HSD17B11: variants seen among roughly 807,000 people sequenced by gnomAD.
HSD17B11 encodes the protein estradiol 17-beta-dehydrogenase 11.
In HSD17B11, 22 loss-of-function variants were observed where a neutral mutation model predicts 27.8. The ratio of observed to expected loss-of-function variants is 0.79; its 90% CI spans 0.56 to 1.13. HSD17B11 has a LOEUF of 1.13. Among genes scored for constraint, HSD17B11 ranks in the 50% most tolerant of loss-of-function variants. The pLI is 0.00. For missense variants in HSD17B11, 314 were observed against 351.1 expected (o/e 0.89, Z 0.84); for synonymous variants, 117 against 132.8 (o/e 0.88, Z 0.82).
intron 3 of HSD17B11, among the ~76,000 whole-genome samples, chr4:87,373,586 T>C (rs1735762572): frequency 2.0e-5 from 3 of 151,990 alleles, no homozygotes; most frequent in Admixed American, 2.0e-4. Context: ...GGTGTACTCC[T>C]GTAGTCCCTG....
At chr4:87,381,307 A>C (rs573445971) in intron 2 of HSD17B11, among the ~76,000 whole-genome samples, 1 of 152,216 alleles carries the variant, frequency 6.6e-6, no homozygotes, top group East Asian at 1.9e-4. Context: ...GGTAAGGTCC[A>C]GGAATGTGTA....
At chr4:87,390,785 G>T in intron 1 of HSD17B11, 76 bp downstream of exon 1, 1 of 1,294,132 alleles carries the variant, frequency 7.7e-7, no homozygotes, top group Non-Finnish European at 1.1e-6. Context: ...ATGAGGTAAA[G>T]GGTGGTTGCC....
At chr4:87,385,360 G>A (rs1433382870) in intron 1 of HSD17B11, among the ~76,000 whole-genome samples, 1 of 152,074 alleles carries the variant, frequency 6.6e-6, no homozygotes, top group Non-Finnish European at 1.5e-5. Context: ...CTTATATGCA[G>A]TACCCAGAGT....
In HSD17B11 at chr4:87,381,389, G is replaced by A. The variant is rs113476535; in HGVS notation, c.318+866C>T. ...AGGTATTTAGTTAACAGGTACAAGCGAGAATGCGTTCAGAGTGAAACCCCA... is the reference window on the plus strand; with the variant it reads ...AGGTATTTAGTTAACAGGTACAAGCAAGAATGCGTTCAGAGTGAAACCCCA... On this transcript the variant is annotated intron_variant, in intron 2 of 6. Coordinates refer to ENST00000358290, the MANE Select transcript of HSD17B11 (RefSeq NM_016245.5). Among the ~76,000 whole-genome samples the A allele has an allele frequency of 9.7e-3, 1,483 of 152,136 alleles. 22 individuals carry two copies. The highest frequency in any genetic ancestry group is 0.034 in the African/African-American group (1,426 of 41,508).
chr4:87,357,949 AT>A (rs57139706), intron 4 of HSD17B11, among the ~76,000 whole-genome samples: 3,878 of 79,518 alleles, frequency 0.049, 6 homozygotes, highest in Middle Eastern at 0.076. Context: ...CATTAGAGAA[AT>A]TTTTTTTTTT....
chr4:87,391,181 G>C lies in HSD17B11; in HGVS notation c.-111C>G, dbSNP rs918453175. On this transcript the variant is annotated 5_prime_UTR_variant, in exon 1 of 7. Coordinates refer to ENST00000358290, the MANE Select transcript of HSD17B11 (RefSeq NM_016245.5). ...CAGAAAGAGTAGGGGCGAGAGCAAG[G>C]AGGAACTCCCGTATCAAAGAAAAAC... 6.6e-6 allele frequency: 5 copies of C among 754,042 alleles called. No homozygotes were observed. Among genetic ancestry groups the C allele is most frequent in the Admixed American group, 2.8e-5 (1 of 35,116 alleles). 46.7% of individuals were successfully genotyped at this position (754,042 alleles called of 1,614,324 possible).
rs1735569222 is a variant in HSD17B11 at position 87,363,869 on chromosome 4, G to A, written c.558-6453C>T. On this transcript the variant is annotated intron_variant, in intron 4 of 6. Transcript: ENST00000358290. ...TGTGTCTATTCTCTTCTCCTCCATG[G>A]ACTGTCTTCAATTTTCCTTCTTCTA... Among the ~76,000 whole-genome samples, 3 of 152,092 alleles carry A rather than the reference G, an allele frequency of 2.0e-5. No homozygotes were observed. In the South Asian group the frequency reaches 6.2e-4, roughly 31 times the overall value.
intron 1 of HSD17B11, among the ~76,000 whole-genome samples, chr4:87,389,983 A>G (rs1720414372): frequency 6.6e-6 from 1 of 152,152 alleles, no homozygotes; most frequent in African/African-American, 2.4e-5. Flanking sequence ...AATTTGAGAC[A>G]GGGTCTCACT....
intron 4 of HSD17B11, among the ~76,000 whole-genome samples, chr4:87,363,166 A>T (rs1735549239): frequency 6.6e-6 from 1 of 152,058 alleles, no homozygotes; most frequent in South Asian, 2.1e-4. Flanking sequence ...GCCCCCGGGG[A>T]GATGGTGCCA....
intron 5 of HSD17B11, among the ~76,000 whole-genome samples, chr4:87,356,654 A>G (rs182735163): frequency 1.3e-5 from 2 of 151,616 alleles, no homozygotes; most frequent in Non-Finnish European, 2.9e-5. Context: ...ATTTAAACAA[A>G]TAAGTATGCA....
chr4:87,370,755 ATT>A lies in HSD17B11; in HGVS notation c.557+1952_557+1953del, dbSNP rs57047986. Among the ~76,000 whole-genome samples, 17 of 57,516 alleles carry A rather than the reference ATT, an allele frequency of 3.0e-4. 1 individual carries two copies. Among genetic ancestry groups the A allele is most frequent in the South Asian group, 5.1e-4 (1 of 1,976 alleles). The allele number at this position is 57,516 out of a possible 152,430, so 37.7% of individuals were successfully genotyped here. On this transcript the variant is annotated intron_variant, in intron 4 of 6. Transcript: ENST00000358290. The stretch of plus-strand genomic sequence containing the variant: ...TATTATTATTATTATTATTATTATT[ATT>A]TTTTTTTTTTTTTGAGACGGAGTCT...
chr4:87,364,941 G>A (rs1158768073), intron 4 of HSD17B11, among the ~76,000 whole-genome samples: 1 of 152,202 alleles, frequency 6.6e-6, no homozygotes, highest in Non-Finnish European at 1.5e-5. Context: ...GGCTGAGGTG[G>A]GCGGATCACT....
At chr4:87,383,316 T>C in intron 1 of HSD17B11, among the ~76,000 whole-genome samples, 1 of 152,148 alleles carries the variant, frequency 6.6e-6, no homozygotes, top group South Asian at 2.1e-4. Context: ...ATGTGTCGTA[T>C]TGATTATTTT....
chr4:87,378,870 A>T lies in HSD17B11; in HGVS notation c.318+3385T>A, dbSNP rs1313478564. Among the ~76,000 whole-genome samples, 6 of 21,562 alleles carry T rather than the reference A, an allele frequency of 2.8e-4. 2 individuals carry two copies. Among genetic ancestry groups the T allele is most frequent in the African/African-American group, 2.7e-3 (6 of 2,216 alleles). The allele number at this position is 21,562 out of a possible 152,430, so 14.1% of individuals were successfully genotyped here. A position where few individuals can be genotyped will look rare whatever the true frequency, so the allele number is the denominator to read the frequency against. ...AATATATATATAAATATATATAAATATATATATATAAATATATATATATAA... is the reference window on the plus strand; with the variant it reads ...AATATATATATAAATATATATAAATTTATATATATAAATATATATATATAA... On this transcript the variant is annotated intron_variant, in intron 2 of 6. Coordinates refer to ENST00000358290, the MANE Select transcript of HSD17B11 (RefSeq NM_016245.5).
intron 1 of HSD17B11, among the ~76,000 whole-genome samples, chr4:87,388,643 TC>T (rs1720379061): frequency 6.6e-6 from 1 of 152,246 alleles, no homozygotes; most frequent in Non-Finnish European, 1.5e-5. Context: ...TTTATTTTTT[TC>T]TTTATGCTTA....
intron 2 of HSD17B11, among the ~76,000 whole-genome samples, chr4:87,376,928 A>C (rs1735838162): frequency 6.6e-6 from 1 of 151,688 alleles, no homozygotes; most frequent in African/African-American, 2.4e-5. Flanking sequence ...CCAGGAGTTC[A>C]AGACCAGCCT....
rs144180266 is a variant in HSD17B11 at position 87,343,530 on chromosome 4, G to A, written c.696-2924C>T. 2.5e-3 allele frequency among the ~76,000 whole-genome samples: 380 copies of A among 149,886 alleles called. 1 individual carries two copies. The highest frequency in any genetic ancestry group is 4.6e-3 in the Non-Finnish European group (310 of 67,816). On this transcript the variant is annotated intron_variant, in intron 5 of 6. Coordinates refer to ENST00000358290, the MANE Select transcript of HSD17B11 (RefSeq NM_016245.5). ...ACCACTTAAGTAATGAGTAATTTTG[G>A]GGAAAACATTTCAACTCTTTTTTTT...
chr4:87,390,165 T>A (rs1174827519), intron 1 of HSD17B11, among the ~76,000 whole-genome samples: 1 of 152,158 alleles, frequency 6.6e-6, no homozygotes, highest in Admixed American at 6.5e-5. Context: ...ATCTTTTTGT[T>A]TGTTTTTTGA....
chr4:87,386,771 C>T (rs1418317325), intron 1 of HSD17B11: 2 of 152,146 alleles, frequency 1.3e-5, no homozygotes, highest in Non-Finnish European at 2.9e-5. Context: ...AAATTATGCC[C>T]ATTATTCTTT....
Sources: allele counts gnomAD v4.1 joint callset (sites outside exome capture counted in the v4.1 genomes callset), GRCh38; gene constraint gnomAD v4.1.1; transcripts MANE v1.5; gene names NCBI Gene and HGNC (gene_info 2026-07-23, HGNC 2026-07-21).